ZFHX3: variants seen among roughly 807,000 people sequenced by gnomAD.
The protein encoded by ZFHX3 is zinc finger homeobox 3.
Under a neutral mutation model 279.1 loss-of-function variants are expected in ZFHX3, and 42 were observed. That is an observed-to-expected ratio of 0.15 (90% CI 0.12 to 0.19). The LOEUF (loss-of-function observed/expected upper bound fraction) is 0.19, where lower values mean the gene tolerates loss of function less well. ZFHX3 is among the 10% of genes least tolerant of loss of function. The probability of loss-of-function intolerance (pLI) is 1.00; values close to 1 mark genes in which losing one functional copy is unlikely to be tolerated. For synonymous variants in ZFHX3, 2,293 were observed against 1,957.8 expected, an observed-to-expected ratio of 1.17 and a Z score of -4.52; for missense variants, 4,981 against 4,754.0, an observed-to-expected ratio of 1.05 and a Z score of -1.40.
chr16:72,876,279 G>C (rs1022467549), intron 4 of ZFHX3, among the ~76,000 whole-genome samples: 1 of 152,204 alleles, frequency 6.6e-6, no homozygotes, highest in African/African-American at 2.4e-5. Flanking sequence ...TTCAGCCACA[G>C]ATGGCTCAGG....
chr16:73,728,341 G>C (rs767707280), intron 1 of ZFHX3, among the ~76,000 whole-genome samples: 20 of 152,114 alleles, frequency 1.3e-4, no homozygotes, highest in Non-Finnish European at 2.5e-4. Flanking sequence ...CTAGCCTCCA[G>C]AACTGCAAGA....
intron 5 of ZFHX3, among the ~76,000 whole-genome samples, chr16:73,256,732 C>T (rs985082175): frequency 2.0e-5 from 3 of 152,114 alleles, no homozygotes; most frequent in Non-Finnish European, 4.4e-5. Flanking sequence ...ACTGAGGGAT[C>T]AAGTAACTTT....
chr16:73,205,151 G>A (rs1027756927), intron 5 of ZFHX3, among the ~76,000 whole-genome samples: 8 of 152,132 alleles, frequency 5.3e-5, no homozygotes, highest in Non-Finnish European at 8.8e-5. Context: ...CTTGAGTGAA[G>A]GGCTGAGTCC....
intron 1 of ZFHX3, among the ~76,000 whole-genome samples, chr16:73,845,721 G>T (rs1038297838): frequency 1.3e-5 from 2 of 152,114 alleles, no homozygotes; most frequent in African/African-American, 4.8e-5. Context: ...ACTGTCCTTT[G>T]TCTCTCAAAA....
chr16:72,996,633 G>A (rs78884723), intron 1 of ZFHX3, among the ~76,000 whole-genome samples: 1 of 152,226 alleles, frequency 6.6e-6, no homozygotes, highest in East Asian at 1.9e-4. Context: ...GAGGGGCTGG[G>A]GGCGTGGGAA....
intron 2 of ZFHX3, among the ~76,000 whole-genome samples, chr16:73,490,156 A>G (rs1247593560): frequency 6.6e-6 from 1 of 152,244 alleles, no homozygotes; most frequent in Non-Finnish European, 1.5e-5. Flanking sequence ...AAATACTATC[A>G]GTAGACACAC....
intron 4 of ZFHX3, among the ~76,000 whole-genome samples, chr16:72,840,480 G>A (rs1457382179): frequency 6.6e-6 from 1 of 152,152 alleles, no homozygotes; most frequent in South Asian, 2.1e-4. Context: ...TGGGAATGAC[G>A]GACTATTTGG....
Position 72,958,684 on chromosome 16 carries a change from C to T in ZFHX3, c.1462G>A (p.Asp488Asn), listed in dbSNP as rs1961388248. ...GGAAAGAGTCCTTTGCAACCCTCGT[C>T]TTCCTCCTCCTCTTCTTCCTCCTCC... Reference protein sequence around the residue: ...EEEEEEEEEEDEGCKGLFPSE... With the variant: ...EEEEEEEEEENEGCKGLFPSE... The change falls in exon 2 of 10, where the codon GAC (aspartate) becomes AAC (asparagine). Residue 488 changes from aspartate to asparagine, a missense_variant. Coordinates refer to ENST00000268489, the MANE Select transcript of ZFHX3 (RefSeq NM_006885.4). 1 of 1,611,476 alleles carries T rather than the reference C, an allele frequency of 6.2e-7. No individual in the cohort carries two copies.
intron 1 of ZFHX3, among the ~76,000 whole-genome samples, chr16:73,716,449 G>T (rs1435461483): frequency 6.6e-6 from 1 of 151,978 alleles, no homozygotes; most frequent in Non-Finnish European, 1.5e-5. Flanking sequence ...TAAAAAGACG[G>T]GCTATTTTCC....
rs117783636 is a variant in ZFHX3 at position 73,715,993 on chromosome 16, G to A, written c.-1607-35753C>T. On this transcript the variant is annotated intron_variant, in intron 1 of 17. Transcript: ENST00000641206. ...CCTGCATAAAACCTTTGCATTCCAG[G>A]TGCTCCATTTCCCTAACCCTACACA... 4.9e-3 allele frequency among the ~76,000 whole-genome samples: 739 copies of A among 152,114 alleles called. 1 individual carries two copies. The highest frequency in any genetic ancestry group is 7.0e-3 in the Non-Finnish European group (476 of 68,000).
rs558936494 is a variant in ZFHX3, at chr16:73,553,282, T to C, written c.-1546-97024A>G. ...GATTTCACCTTAATCTCAACACATTTTGAAATGGCTCATTGAACTTCATTC... is the reference window on the plus strand; with the variant it reads ...GATTTCACCTTAATCTCAACACATTCTGAAATGGCTCATTGAACTTCATTC... On this transcript the variant is annotated intron_variant, in intron 2 of 17. Transcript: ENST00000641206. 1.2e-3 allele frequency among the ~76,000 whole-genome samples: 183 copies of C among 152,314 alleles called. 1 individual carries two copies. The highest frequency in any genetic ancestry group is 6.8e-3 in the Middle Eastern group (2 of 294).
At chr16:72,981,976 G>A (rs1181136825) in intron 1 of ZFHX3, among the ~76,000 whole-genome samples, 4 of 150,448 alleles carry the variant, frequency 2.7e-5, no homozygotes, top group East Asian at 2.0e-4. Context: ...TCCACCTCCC[G>A]GGTTCAAGCG....
At position 73,844,969 on chromosome 16, in the gene ZFHX3, C is replaced by A. The variant is rs79495350; in HGVS notation, c.-1608+46682G>T. Among the ~76,000 whole-genome samples the A allele has an allele frequency of 9.6e-3, 1,459 of 151,960 alleles. 19 individuals carry two copies. The highest frequency in any genetic ancestry group is 0.034 in the African/African-American group (1,392 of 41,406). Reference sequence around the variant, plus strand: ...CCCCACACTCTGCTGCTCTAATGGGCAATAGGGGAATTAACAAAAGGCTGC... The same window carrying A: ...CCCCACACTCTGCTGCTCTAATGGGAAATAGGGGAATTAACAAAAGGCTGC... On this transcript the variant is annotated intron_variant, in intron 1 of 17. Transcript: ENST00000641206.
chr16:73,822,197 T>C (rs950091284), intron 1 of ZFHX3, among the ~76,000 whole-genome samples: 5 of 152,310 alleles, frequency 3.3e-5, no homozygotes, highest in African/African-American at 1.2e-4. Flanking sequence ...TTCTGGCATC[T>C]GTTTTCTCTT....
intron 2 of ZFHX3, among the ~76,000 whole-genome samples, chr16:73,615,561 A>T (rs1271614207): frequency 6.6e-6 from 1 of 152,228 alleles, no homozygotes; most frequent in East Asian, 1.9e-4. Context: ...CACTTTGTTT[A>T]CAATTACATG....
intron 1 of ZFHX3, among the ~76,000 whole-genome samples, chr16:73,730,455 T>C (rs752222372): frequency 1.3e-5 from 2 of 151,524 alleles, no homozygotes; most frequent in African/African-American, 2.4e-5. Context: ...AGTTCACCTG[T>C]GTCATATACA....
chr16:73,725,362 G>A (rs1597083583), intron 1 of ZFHX3, among the ~76,000 whole-genome samples: 1 of 152,198 alleles, frequency 6.6e-6, no homozygotes, highest in African/African-American at 2.4e-5. Context: ...ATGTGTCGGG[G>A]CCTGGAGGGC....
intron 1 of ZFHX3, chr16:73,005,999 G>T (rs918168825): frequency 6.6e-6 from 1 of 152,056 alleles, no homozygotes; most frequent in South Asian, 2.1e-4. Context: ...AAAATGTTAC[G>T]TTGTAACTGA....
intron 1 of ZFHX3, among the ~76,000 whole-genome samples, chr16:73,731,142 T>TTTTTGA (rs1159388234): frequency 1.3e-5 from 2 of 152,326 alleles, no homozygotes; most frequent in African/African-American, 4.8e-5. Flanking sequence ...TATTTTTTTG[T>TTTTTGA]TTTTGATTTT....
Sources: gnomAD v4.1 joint callset for allele counts (sites outside exome capture counted in the v4.1 genomes callset) on GRCh38, gnomAD v4.1.1 for gene constraint, MANE v1.5 for transcripts, NCBI Gene and HGNC (gene_info 2026-07-23, HGNC 2026-07-21) for gene names.